The following PALM2AKAP2 variants were observed in gnomAD, a reference collection of about 807,000 sequenced individuals.
PALM2AKAP2 encodes PALM2-AKAP2 fusion protein.
Under a neutral mutation model 71.5 loss-of-function variants are expected in PALM2AKAP2, and 37 were observed. The observed-to-expected ratio is 0.52, with a 90% CI of 0.40 to 0.68. The LOEUF (loss-of-function observed/expected upper bound fraction) is 0.68, where lower values mean the gene tolerates loss of function less well. Among genes scored for constraint, PALM2AKAP2 ranks in the 30% least tolerant of loss-of-function variants. The pLI is 0.00. For synonymous variants in PALM2AKAP2, 468 were observed against 478.8 expected (o/e 0.98, Z 0.29); for missense variants, 1,224 against 1,191.8 (o/e 1.03, Z -0.40).
chr9:109,833,661 T>C (rs764783510), intron 1 of PALM2AKAP2, among the ~76,000 whole-genome samples: 1 of 152,198 alleles, frequency 6.6e-6, no homozygotes, highest in Non-Finnish European at 1.5e-5. Flanking sequence ...AATTCTTCAC[T>C]GTGTGGGACT....
At chr9:109,819,490 A>G (rs555945854) in intron 1 of PALM2AKAP2, among the ~76,000 whole-genome samples, 1 of 152,280 alleles carries the variant, frequency 6.6e-6, no homozygotes, top group Admixed American at 6.5e-5. Flanking sequence ...AGGGAATGAG[A>G]TTTTGACGTG....
intron 1 of PALM2AKAP2, among the ~76,000 whole-genome samples, chr9:109,658,910 G>A (rs1435184224): frequency 6.6e-6 from 1 of 152,042 alleles, no homozygotes; most frequent in Non-Finnish European, 1.5e-5. Context: ...AATAAATATA[G>A]CACAAACTTG....
At chr9:109,645,423 G>A (rs1827136793) in intron 1 of PALM2AKAP2, among the ~76,000 whole-genome samples, 2 of 152,036 alleles carry the variant, frequency 1.3e-5, no homozygotes, top group African/African-American at 4.8e-5. Flanking sequence ...TTTGGGTGGG[G>A]ACACAGAGAG....
At chr9:109,983,680 C>T (rs914502510) in intron 6 of PALM2AKAP2, among the ~76,000 whole-genome samples, 2 of 152,072 alleles carry the variant, frequency 1.3e-5, no homozygotes, top group South Asian at 2.1e-4. Flanking sequence ...GCCTGACCAA[C>T]ATGGCAAAAC....
In PALM2AKAP2 at chr9:109,702,524, T is replaced by C. The variant is rs550709129; in HGVS notation, c.5+61658T>C. 4.1e-5 allele frequency among the ~76,000 whole-genome samples: 6 copies of C among 144,878 alleles called. No individual in the cohort carries two copies. In the South Asian group the frequency reaches 1.3e-3, roughly 31 times the overall value. ...ACCAAACACCACATGTTCTCACTCA[T>C]AGGTGGGAATTGAACAATGAGAACA... On this transcript the variant is annotated intron_variant, in intron 1 of 6. Transcript: ENST00000374531.
At chr9:109,769,884 T>C (rs894179994) in intron 1 of PALM2AKAP2, among the ~76,000 whole-genome samples, 1 of 152,108 alleles carries the variant, frequency 6.6e-6, no homozygotes, top group Admixed American at 6.5e-5. Flanking sequence ...CTACTGTATG[T>C]AGATGCAAAG....
chr9:110,116,545 C>T (rs993923108), intron 1 of PALM2AKAP2, among the ~76,000 whole-genome samples: 3 of 151,990 alleles, frequency 2.0e-5, no homozygotes, highest in African/African-American at 7.2e-5. Flanking sequence ...ATTTTTTGTT[C>T]TCTACTTGAC....
At chr9:109,672,521 T>C (rs1402211798) in intron 1 of PALM2AKAP2, among the ~76,000 whole-genome samples, 2 of 152,164 alleles carry the variant, frequency 1.3e-5, no homozygotes, top group African/African-American at 4.8e-5. Context: ...GTGTTGAGGA[T>C]TTTTGCATTG....
At chr9:109,752,624 G>A (rs1564134821) in intron 1 of PALM2AKAP2, among the ~76,000 whole-genome samples, 1 of 152,160 alleles carries the variant, frequency 6.6e-6, no homozygotes, top group African/African-American at 2.4e-5. Flanking sequence ...GGGGAATGAT[G>A]ACCTTGAATC....
intron 1 of PALM2AKAP2, among the ~76,000 whole-genome samples, chr9:109,836,667 T>C (rs144192485): frequency 0.02 from 2,980 of 152,140 alleles, 92 homozygotes; most frequent in African/African-American, 0.065. Flanking sequence ...GAATAACCAG[T>C]GTAGAGAAGT....
intron 1 of PALM2AKAP2, among the ~76,000 whole-genome samples, chr9:110,081,437 A>G (rs1834446819): frequency 6.6e-6 from 1 of 152,212 alleles, no homozygotes; most frequent in Non-Finnish European, 1.5e-5. Context: ...TTGCCTATAA[A>G]CATAGATTCC....
chr9:109,907,641 C>T (rs73657304), intron 3 of PALM2AKAP2, among the ~76,000 whole-genome samples: 76 of 152,208 alleles, frequency 5.0e-4, no homozygotes, highest in African/African-American at 1.8e-3. Context: ...ACAATCAGCC[C>T]GGCACAACCC....
At chr9:110,021,139 A>C (rs1833067167) in intron 7 of PALM2AKAP2, among the ~76,000 whole-genome samples, 1 of 152,158 alleles carries the variant, frequency 6.6e-6, no homozygotes, top group Admixed American at 6.5e-5. Flanking sequence ...AGATGAGAGC[A>C]TCCTGGATTT....
chr9:110,040,230 G>A (rs1833487223), intron 7 of PALM2AKAP2, among the ~76,000 whole-genome samples: 1 of 152,144 alleles, frequency 6.6e-6, no homozygotes, highest in African/African-American at 2.4e-5. Context: ...CTTTTAATAT[G>A]CTATAGAAGC....
At chr9:110,050,732 A>G (rs1833694705) in intron 1 of PALM2AKAP2, among the ~76,000 whole-genome samples, 1 of 151,960 alleles carries the variant, frequency 6.6e-6, no homozygotes, top group Admixed American at 6.6e-5. Context: ...GGTTCAAGCA[A>G]TTCTCCTGCA....
intron 1 of PALM2AKAP2, among the ~76,000 whole-genome samples, chr9:109,763,594 C>A (rs573913297): frequency 6.6e-6 from 1 of 152,298 alleles, no homozygotes; most frequent in South Asian, 2.1e-4. Flanking sequence ...CATGACCACT[C>A]ACTGGGTGGC....
chr9:110,008,841 A>G (rs1405426285), intron 6 of PALM2AKAP2, among the ~76,000 whole-genome samples: 2 of 150,736 alleles, frequency 1.3e-5, no homozygotes, highest in African/African-American at 2.4e-5. Context: ...GTTCTGGCCA[A>G]TGGGTGTGGG....
At chr9:109,957,131 G>A (rs1042475000) in intron 6 of PALM2AKAP2, among the ~76,000 whole-genome samples, 2 of 152,138 alleles carry the variant, frequency 1.3e-5, no homozygotes, top group Admixed American at 1.3e-4. Context: ...GTAAGATCAC[G>A]ATCGTTTAAA....
intron 1 of PALM2AKAP2, among the ~76,000 whole-genome samples, chr9:109,851,568 C>T (rs1758601338): frequency 6.6e-6 from 1 of 152,132 alleles, no homozygotes; most frequent in African/African-American, 2.4e-5. Flanking sequence ...AAGCAAAGTA[C>T]CACACTGAAG....
Sources: allele counts gnomAD v4.1 joint callset (sites outside exome capture counted in the v4.1 genomes callset), GRCh38; gene constraint gnomAD v4.1.1; transcripts MANE v1.5; gene names NCBI Gene and HGNC (gene_info 2026-07-23, HGNC 2026-07-21).